The following NRXN3 variants were observed in gnomAD, a reference collection of about 807,000 sequenced individuals.
The protein encoded by NRXN3 is neurexin III.
In NRXN3, 32 loss-of-function variants were observed where a neutral mutation model predicts 137.6. The observed-to-expected ratio is 0.23, with a 90% confidence interval of 0.18 to 0.31. NRXN3 has a LOEUF of 0.31. Among genes scored for constraint, NRXN3 ranks in the 10% least tolerant of loss-of-function variants. NRXN3 has a pLI of 1.00. For missense variants in NRXN3, 1,574 were observed against 2,062.5 expected (o/e 0.76, Z 4.59); for synonymous variants, 798 against 784.5 (o/e 1.02, Z -0.29).
intron 15 of NRXN3, among the ~76,000 whole-genome samples, chr14:79,370,898 A>T (rs968121717): frequency 1.3e-5 from 2 of 152,226 alleles, no homozygotes; most frequent in Admixed American, 1.3e-4. Flanking sequence ...TACAAGCATT[A>T]TCTTAAACCT....
intron 15 of NRXN3, among the ~76,000 whole-genome samples, chr14:79,158,243 A>G (rs1399794557): frequency 6.6e-6 from 1 of 151,842 alleles, no homozygotes; most frequent in Non-Finnish European, 1.5e-5. Context: ...GGTTGTGTAG[A>G]AAAGTCTCTG....
At chr14:79,453,397 T>C (rs752471853) in intron 15 of NRXN3, among the ~76,000 whole-genome samples, 11 of 152,246 alleles carry the variant, frequency 7.2e-5, no homozygotes, top group Non-Finnish European at 1.5e-4. Context: ...GAAGCCAAGA[T>C]CATGTAAGCA....
At chr14:78,251,974 T>A (rs75116341) in intron 2 of NRXN3, among the ~76,000 whole-genome samples, 3,319 of 152,108 alleles carry the variant, frequency 0.022, 50 homozygotes, top group African/African-American at 0.041. Flanking sequence ...CCTGGTCTAT[T>A]TGGGAACTGA....
At chr14:78,590,376 T>C (rs1343944663) in intron 4 of NRXN3, among the ~76,000 whole-genome samples, 2 of 152,148 alleles carry the variant, frequency 1.3e-5, no homozygotes, top group Non-Finnish European at 2.9e-5. Flanking sequence ...ACTTGAGAGA[T>C]TGTGAGCAGA....
intron 1 of NRXN3, among the ~76,000 whole-genome samples, chr14:78,217,422 G>A (rs2063404643): frequency 1.3e-5 from 2 of 152,110 alleles, no homozygotes; most frequent in South Asian, 4.2e-4. Flanking sequence ...GTGGGTAGAG[G>A]CCAGGGATGT....
chr14:79,369,190 C>A (rs2094002592), intron 15 of NRXN3, among the ~76,000 whole-genome samples: 1 of 152,006 alleles, frequency 6.6e-6, no homozygotes, highest in African/African-American at 2.4e-5. Flanking sequence ...AAGGTGGGTA[C>A]AATGGAACAA....
chr14:78,474,261 T>C (rs2095337534), intron 4 of NRXN3, among the ~76,000 whole-genome samples: 1 of 152,220 alleles, frequency 6.6e-6, no homozygotes, highest in East Asian at 1.9e-4. Context: ...CCATTCTTCA[T>C]GGTTAAGTGA....
intron 15 of NRXN3, among the ~76,000 whole-genome samples, chr14:78,999,501 T>C (rs2099537179): frequency 6.6e-6 from 1 of 152,172 alleles, no homozygotes; most frequent in Non-Finnish European, 1.5e-5. Flanking sequence ...TTTCTTTTCA[T>C]GAAAAGAACA....
At chr14:78,299,678 T>C (rs2076690965) in intron 4 of NRXN3, among the ~76,000 whole-genome samples, 1 of 152,182 alleles carries the variant, frequency 6.6e-6, no homozygotes, top group African/African-American at 2.4e-5. Flanking sequence ...TGATGCAGCA[T>C]GGATATCTTG....
chr14:79,456,268 A>G (rs2096255786), intron 15 of NRXN3, among the ~76,000 whole-genome samples: 1 of 152,192 alleles, frequency 6.6e-6, no homozygotes, highest in Non-Finnish European at 1.5e-5. Context: ...CCCAATCATC[A>G]TGGTCATTCT....
Position 78,841,644 on chromosome 14 carries a change from CT to C in NRXN3, c.2275+31301del, listed in dbSNP as rs5809908. ...GTCTCCTTCATTTTGGAACATTTTT[CT>C]AGTTCATTGTTTTTTTGTTTTTTCA... On this transcript the variant is annotated intron_variant, in intron 10 of 20. Coordinates refer to ENST00000335750, the MANE Select transcript of NRXN3 (RefSeq NM_001330195.2). 2.6e-5 allele frequency among the ~76,000 whole-genome samples: 4 copies of C among 152,024 alleles called. No individual in the cohort carries two copies. The South Asian group carries it at 8.3e-4, about 32-fold the overall frequency.
At chr14:79,065,249 G>A (rs926287454) in intron 15 of NRXN3, among the ~76,000 whole-genome samples, 7 of 151,976 alleles carry the variant, frequency 4.6e-5, no homozygotes, top group South Asian at 2.1e-4. Context: ...TTCTTCAGAC[G>A]GATAACATTT....
At chr14:79,141,478 A>G (rs989006500) in intron 15 of NRXN3, among the ~76,000 whole-genome samples, 2 of 152,186 alleles carry the variant, frequency 1.3e-5, no homozygotes, top group African/African-American at 4.8e-5. Flanking sequence ...CGTTTCCTTG[A>G]TATATTGAGG....
chr14:78,898,873 A>G (rs1231786358), intron 10 of NRXN3, among the ~76,000 whole-genome samples: 2 of 151,990 alleles, frequency 1.3e-5, no homozygotes, highest in East Asian at 1.9e-4. Flanking sequence ...GTGGAGCATT[A>G]TAGCACAAAT....
At chr14:79,301,304 A>G (rs1440639916) in intron 15 of NRXN3, among the ~76,000 whole-genome samples, 1 of 152,034 alleles carries the variant, frequency 6.6e-6, no homozygotes, top group Admixed American at 6.6e-5. Flanking sequence ...GTTGCTGAAG[A>G]TGAAAGTTTG....
chr14:78,639,434 G>T (rs1566950057), intron 4 of NRXN3, among the ~76,000 whole-genome samples: 1 of 152,232 alleles, frequency 6.6e-6, no homozygotes, highest in Non-Finnish European at 1.5e-5. Flanking sequence ...AGAGGGGTCA[G>T]CATTTTAACG....
intron 4 of NRXN3, among the ~76,000 whole-genome samples, chr14:78,381,215 C>G (rs139432812): frequency 1.4e-3 from 206 of 152,270 alleles, no homozygotes; most frequent in African/African-American, 4.7e-3. Flanking sequence ...GAGTTTTCTT[C>G]AAGTTCTAGG....
intron 15 of NRXN3, among the ~76,000 whole-genome samples, chr14:79,385,965 G>T (rs2153461563): frequency 6.6e-6 from 1 of 152,198 alleles, no homozygotes; most frequent in Middle Eastern, 3.4e-3. Flanking sequence ...AAAATCATAA[G>T]AGCTATCTAT....
At chr14:78,574,794 G>A (rs1442922405) in intron 4 of NRXN3, among the ~76,000 whole-genome samples, 1 of 152,204 alleles carries the variant, frequency 6.6e-6, no homozygotes, top group African/African-American at 2.4e-5. Context: ...GGAGGACTGT[G>A]GGAAGGGCAT....
Sources: gnomAD v4.1 joint callset for allele counts (sites outside exome capture counted in the v4.1 genomes callset) on GRCh38, gnomAD v4.1.1 for gene constraint, MANE v1.5 for transcripts, NCBI Gene and HGNC (gene_info 2026-07-23, HGNC 2026-07-21) for gene names.